Variants in ACOX1 observed in about 807,000 individuals in gnomAD.
ACOX1 encodes acyl-CoA oxidase 1.
Under a neutral mutation model 75.5 loss-of-function variants are expected in ACOX1, and 41 were observed. That is an observed-to-expected ratio of 0.54 (90% CI 0.42 to 0.70). ACOX1 has a LOEUF of 0.70. Among genes scored for constraint, ACOX1 ranks in the 30% least tolerant of loss-of-function variants. The probability of loss-of-function intolerance (pLI) is 0.00; values close to 1 mark genes in which losing one functional copy is unlikely to be tolerated. For missense variants in ACOX1, 630 were observed against 837.5 expected, an observed-to-expected ratio of 0.75 and a Z score of 3.06; for synonymous variants, 303 against 298.8, an observed-to-expected ratio of 1.01 and a Z score of -0.15.
At position 75,951,505 on chromosome 17, in the gene ACOX1, A is replaced by G; in HGVS notation, c.1017T>C (p.Tyr339=). Residue 339 remains tyrosine, a synonymous_variant, in exon 8 of 14, where the codon TAT becomes TAC. Transcript: ENST00000293217. ...TGTATGCGCCCACAAACTGGAAGGC[A>G]TAGGCAGTGGCCAGGAGTGGAAAGA... ...YKLFPLLATA[Y]AFQFVGAYMK... is the part of the protein sequence containing the mutation. 1 of 1,614,226 alleles carries G rather than the reference A, an allele frequency of 6.2e-7. No homozygotes were observed. The highest frequency in any genetic ancestry group is 8.5e-7 in the Non-Finnish European group (1 of 1,180,042).
chr17:75,973,646 C>T lies in ACOX1; in HGVS notation c.269+4888G>A, dbSNP rs772711900. ...TAACCGTGGCCCATTTCCGTCTGGG[C>T]GTAGGTGCCAATTATCTGGAGTCCT... On this transcript the variant is annotated intron_variant, in intron 2 of 13. Coordinates refer to ENST00000293217, the MANE Select transcript of ACOX1 (RefSeq NM_004035.7). 8 of 1,614,194 alleles carry T rather than the reference C, an allele frequency of 5.0e-6. No individual in the cohort carries two copies. The South Asian group carries it at 5.5e-5, about 11-fold the overall frequency.
At position 75,944,310 on chromosome 17, in the gene ACOX1, G is replaced by A. The variant is rs1337068086; in HGVS notation, c.*2438C>T. The A allele has an allele frequency of 6.6e-6, 1 of 152,174 alleles. No homozygotes were observed. Among genetic ancestry groups the A allele is most frequent in the Non-Finnish European group, 1.5e-5 (1 of 68,038 alleles). 9.4% of individuals were successfully genotyped at this position (152,174 alleles called of 1,614,324 possible). ...AATGTATCTTTGTACTTGTGAAAAT[G>A]GCTTACAAAATTTTGAATCCAACAG... On this transcript the variant is annotated 3_prime_UTR_variant, in exon 14 of 14. Transcript: ENST00000293217.
intron 2 of ACOX1, among the ~76,000 whole-genome samples, chr17:75,969,457 T>A (rs1418554501): frequency 6.6e-6 from 1 of 152,132 alleles, no homozygotes; most frequent in Non-Finnish European, 1.5e-5. Context: ...TGAGCCACCG[T>A]GCCTGGCCAG....
At chr17:75,973,475 GTCTAGGAGAAAACAAGAA>G (rs1567889168) in intron 2 of ACOX1, 1 of 825,860 alleles carries the variant, frequency 1.2e-6, no homozygotes, top group Non-Finnish European at 2.0e-6. Flanking sequence ...CAGGGAAAAT[GTCTAGGAGAAAACAAGAA>G]GTTGAATTTT....
In ACOX1 at chr17:75,945,442, ATAT is replaced by A. The variant is rs2065710959; in HGVS notation, c.*1303_*1305del. The A allele has an allele frequency of 6.6e-6, 1 of 152,204 alleles. No homozygotes were observed. Among genetic ancestry groups the A allele is most frequent in the Non-Finnish European group, 1.5e-5 (1 of 68,028 alleles). 9.4% of individuals were successfully genotyped at this position (152,204 alleles called of 1,614,324 possible). On this transcript the variant is annotated 3_prime_UTR_variant, in exon 14 of 14. Transcript: ENST00000293217. ...ATTACCAGTTCCCCAGGATAGATAG[ATAT>A]TATGTCAGGTCCCAAGATAGGAGTT... is the stretch of plus-strand genomic sequence containing the variant.
intron 5 of ACOX1, 59 bp downstream of exon 5, chr17:75,955,769 T>C: frequency 6.2e-7 from 1 of 1,613,666 alleles, no homozygotes; most frequent in Non-Finnish European, 8.5e-7. Context: ...CATTCTACCT[T>C]TTGCAGAAGA....
intron 2 of ACOX1, among the ~76,000 whole-genome samples, chr17:75,975,012 T>A (rs1730322516): frequency 8.2e-6 from 1 of 121,784 alleles, no homozygotes; most frequent in African/African-American, 3.3e-5. Flanking sequence ...ATCGCACCAC[T>A]GCACTCCAGC....
intron 2 of ACOX1, chr17:75,973,835 C>T: frequency 4.4e-6 from 7 of 1,596,458 alleles, no homozygotes; most frequent in Non-Finnish European, 6.0e-6. Flanking sequence ...GAAACTGCAT[C>T]CTACAACCCC....
At chr17:75,953,427 GC>G in intron 7 of ACOX1, 23 bp downstream of exon 7, 2 of 1,612,222 alleles carry the variant, frequency 1.2e-6, no homozygotes, top group Non-Finnish European at 1.7e-6. Context: ...TTGGTACTGA[GC>G]CCATCTAGGA....
At chr17:75,970,207 AG>A (rs1282734762) in intron 2 of ACOX1, among the ~76,000 whole-genome samples, 4 of 150,872 alleles carry the variant, frequency 2.7e-5, no homozygotes, top group African/African-American at 9.8e-5. Flanking sequence ...AAAAAGAGGA[AG>A]GAAGGAAGGA....
At position 75,979,123 on chromosome 17, in the gene ACOX1, C is replaced by G. The variant is rs1299966649; in HGVS notation, c.-50G>C. On this transcript the variant is annotated 5_prime_UTR_variant, in exon 1 of 14. Coordinates refer to ENST00000293217, the MANE Select transcript of ACOX1 (RefSeq NM_004035.7). The stretch of plus-strand genomic sequence containing the variant: ...TAAGCACCGACCGAGGTGGCAGTGA[C>G]AATCTAAATCCGCAGCTCCAGCGCC... 3 of 1,602,814 alleles carry G rather than the reference C, an allele frequency of 1.9e-6. No homozygotes were observed. The highest frequency in any genetic ancestry group is 1.7e-5 in the Admixed American group (1 of 59,824).
Position 75,955,866 on chromosome 17 carries a change from A to G in ACOX1, c.620T>C (p.Val207Ala), listed in dbSNP as rs760738155. ...ATGGGTCCCGATTTCACGAATAGGTACGATAAAGGCATGTAATCCATAGCA... is the reference window on the plus strand; with the variant it reads ...ATGGGTCCCGATTTCACGAATAGGTGCGATAAAGGCATGTAATCCATAGCA... Reference protein sequence around the residue: ...GKCYGLHAFIVPIREIGTHKP... With the variant: ...GKCYGLHAFIAPIREIGTHKP... The change falls in exon 5 of 14, where the codon GTA becomes GCA. Residue 207 changes from valine to alanine, a missense_variant. Physicochemically the swap from Val to Ala is moderately conservative, Grantham distance 64. Transcript: ENST00000293217. 14 of 1,614,088 alleles carry G rather than the reference A, an allele frequency of 8.7e-6. No individual in the cohort carries two copies. Among genetic ancestry groups the G allele is most frequent in the Non-Finnish European group, 1.2e-5 (14 of 1,180,050 alleles).
chr17:75,953,516 C>CA lies in ACOX1; in HGVS notation c.878dup (p.Ser294ValfsTer2). 6.2e-7 allele frequency: 1 copy of CA among 1,614,182 alleles called. No homozygotes were observed. The highest frequency in any genetic ancestry group is 8.5e-7 in the Non-Finnish European group (1 of 1,180,014). On this transcript the variant is annotated frameshift_variant, in exon 7 of 14. Coordinates refer to ENST00000293217, the MANE Select transcript of ACOX1 (RefSeq NM_004035.7). LOFTEE classifies it high-confidence loss of function. ...GGATGGCAATGGTGCACGCCTTAGA[C>CA]AGAGCCCGAGCAGCTTCTCCCACAA...
rs190818508 is a variant in ACOX1, at chr17:75,965,157, G to A, written c.270-4782C>T. 4.1e-3 allele frequency among the ~76,000 whole-genome samples: 618 copies of A among 152,052 alleles called. 1 individual carries two copies. Among genetic ancestry groups the A allele is most frequent in the African/African-American group, 0.014 (593 of 41,482 alleles). ...TTGAGACCATCCTGGCTAACACGGC[G>A]AAACCCCATCTCTACTAAAAATACA... On this transcript the variant is annotated intron_variant, in intron 2 of 13. Coordinates refer to ENST00000293217, the MANE Select transcript of ACOX1 (RefSeq NM_004035.7).
At chr17:75,969,724 A>G (rs1286022557) in intron 2 of ACOX1, among the ~76,000 whole-genome samples, 6 of 152,202 alleles carry the variant, frequency 3.9e-5, no homozygotes, top group African/African-American at 7.2e-5. Flanking sequence ...AATGATGGCA[A>G]TTTGCCAGGA....
At position 75,977,828 on chromosome 17, in the gene ACOX1, G is replaced by A. The variant is rs1165962795; in HGVS notation, c.269+706C>T. ...ATTGCTCCAAAATATTTAAATGGTC[G>A]TGCAACTAAAAAAAAAAATGCTCCC... On this transcript the variant is annotated intron_variant, in intron 2 of 13. Coordinates refer to ENST00000293217, the MANE Select transcript of ACOX1 (RefSeq NM_004035.7). Among the ~76,000 whole-genome samples, 6 of 151,734 alleles carry A rather than the reference G, an allele frequency of 4.0e-5. No homozygotes were observed. In the East Asian group the frequency reaches 7.7e-4, roughly 19 times the overall value.
intron 2 of ACOX1, chr17:75,973,808 A>T: frequency 6.2e-7 from 1 of 1,613,996 alleles, no homozygotes; most frequent in Non-Finnish European, 8.5e-7. Flanking sequence ...AGAGAAAAGG[A>T]TCTCAGCCTT....
intron 2 of ACOX1, among the ~76,000 whole-genome samples, chr17:75,977,566 AAAAAAC>A (rs368163019): frequency 3.9e-5 from 6 of 152,224 alleles, no homozygotes; most frequent in East Asian, 2.0e-4. Context: ...ACTCCGTCTC[AAAAAAC>A]AAAAACAAAA....
At chr17:75,963,911 C>T (rs940485194) in intron 2 of ACOX1, among the ~76,000 whole-genome samples, 7 of 151,090 alleles carry the variant, frequency 4.6e-5, no homozygotes, top group South Asian at 2.1e-4. Flanking sequence ...AGGCCAGGCA[C>T]GGTGGCTCAT....
Sources: allele counts gnomAD v4.1 joint callset (sites outside exome capture counted in the v4.1 genomes callset), GRCh38; gene constraint gnomAD v4.1.1; transcripts MANE v1.5; gene names NCBI Gene and HGNC (gene_info 2026-07-23, HGNC 2026-07-21).